Variants in PAX5 observed in about 807,000 individuals in gnomAD.
PAX5 encodes paired box 5, also known as paired box protein Pax-5.
PAX5 carries 9 observed loss-of-function variants against 43.7 expected under a neutral mutation model. The ratio of observed to expected loss-of-function variants is 0.21; its 90% CI spans 0.12 to 0.36. The LOEUF is 0.36. Ranked by LOEUF, PAX5 falls within the 10% of genes least tolerant of loss-of-function variation. PAX5 has a pLI of 1.00. For missense variants in PAX5, 383 were observed against 532.7 expected (o/e 0.72, Z 2.77); for synonymous variants, 228 against 214.3 (o/e 1.06, Z -0.56).
chr9:36,889,059 G>C (rs1273073711), intron 7 of PAX5, among the ~76,000 whole-genome samples: 2 of 152,190 alleles, frequency 1.3e-5, no homozygotes, highest in East Asian at 3.8e-4. Context: ...CTCTGTAACA[G>C]GATTAAAACA....
At chr9:37,009,796 AAT>A (rs10545230) in intron 3 of PAX5, among the ~76,000 whole-genome samples, 103,295 of 151,246 alleles carry the variant, frequency 0.68, 36,205 homozygotes, top group Middle Eastern at 0.85. Flanking sequence ...TGTACTCATA[AAT>A]ATATATATAT....
chr9:36,880,738 T>TTTTG lies in PAX5; in HGVS notation c.1012+1262_1012+1265dup, dbSNP rs570908308. ...CCACCACACCTGGCTAAGTTTTGTA[T>TTTTG]TTTGTTTGTTTGTTTGTTTAGTAGA... On this transcript the variant is annotated intron_variant, in intron 8 of 9. Transcript: ENST00000358127. Among the ~76,000 whole-genome samples, 9 of 152,292 alleles carry TTTTG rather than the reference T, an allele frequency of 5.9e-5. No homozygotes were observed. The East Asian group carries it at 7.7e-4, about 13-fold the overall frequency.
intron 5 of PAX5, among the ~76,000 whole-genome samples, chr9:36,976,654 G>T (rs934361207): frequency 7.9e-5 from 12 of 152,168 alleles, no homozygotes; most frequent in Non-Finnish European, 1.3e-4. Flanking sequence ...AATTTCCACT[G>T]AAACTACCAT....
Position 37,032,846 on chromosome 9 carries a change from T to C in PAX5, c.46+1140A>G, listed in dbSNP as rs145491928. Reference sequence around the variant, plus strand: ...ATAAACACATCCTGCTACCTACTTCTCAGGCCTGTGGGAGGCACATGGGGA... The same window carrying C: ...ATAAACACATCCTGCTACCTACTTCCCAGGCCTGTGGGAGGCACATGGGGA... On this transcript the variant is annotated intron_variant, in intron 1 of 9. Coordinates refer to ENST00000358127, the MANE Select transcript of PAX5 (RefSeq NM_016734.3). 1.6e-3 allele frequency among the ~76,000 whole-genome samples: 244 copies of C among 152,342 alleles called. 1 individual carries two copies. Among genetic ancestry groups the C allele is most frequent in the African/African-American group, 5.5e-3 (230 of 41,574 alleles).
At chr9:36,995,543 C>T (rs577687011) in intron 5 of PAX5, among the ~76,000 whole-genome samples, 66 of 152,222 alleles carry the variant, frequency 4.3e-4, no homozygotes, top group Admixed American at 9.2e-4. Context: ...GGATGGCGGA[C>T]GGCCCTGTGA....
rs750194822 is a variant in PAX5 at position 36,882,049 on chromosome 9, C to T, written c.967G>A (p.Gly323Arg). Residue 323 changes from glycine to arginine, a missense_variant, in exon 8 of 10, where the codon GGA becomes AGA. Around this residue, in one of 5 missense-constraint regions of PAX5, gnomAD observed 291 missense variants for 342.5 expected, o/e 0.85. Coordinates refer to ENST00000358127, the MANE Select transcript of PAX5 (RefSeq NM_016734.3). The surrounding 1 kb of genome is among the most constrained non-coding windows in gnomAD (Gnocchi z 4.4). The part of the protein sequence containing the change: ...PGYPPHVPPA[G>R]QGSYSAPTLT... ...GTCGGTGCTGAGTAGCTGCCCTGTC[C>T]AGCGGGGGGGACGTGTGGAGGGTAC... The T allele has an allele frequency of 1.9e-6, 3 of 1,612,610 alleles. No individual in the cohort carries two copies. In the South Asian group the frequency reaches 3.3e-5, roughly 18 times the overall value.
intron 8 of PAX5, among the ~76,000 whole-genome samples, chr9:36,875,177 C>G (rs1033838532): frequency 2.0e-5 from 3 of 152,214 alleles, no homozygotes; most frequent in African/African-American, 4.8e-5. Flanking sequence ...TGGGTCAGCC[C>G]CAGCCTCCTT....
chr9:36,975,738 GATA>G (rs1835371839), intron 5 of PAX5, among the ~76,000 whole-genome samples: 1 of 152,136 alleles, frequency 6.6e-6, no homozygotes, highest in Non-Finnish European at 1.5e-5. Flanking sequence ...TGTAGAGTGG[GATA>G]ATAATAGTAT....
At chr9:36,921,105 G>A (rs1444574574) in intron 7 of PAX5, among the ~76,000 whole-genome samples, 1 of 152,254 alleles carries the variant, frequency 6.6e-6, no homozygotes, top group East Asian at 1.9e-4. Context: ...GAGCCACTGC[G>A]CCCAGCCAGA....
rs757513489 is a variant in PAX5 at position 36,923,415 on chromosome 9, G to C, written c.850C>G (p.Pro284Ala). ...LDDMKANLAS[P>A]TPADIGSSVP... ...CTGCTCCCGATGTCAGCAGGGGTGG[G>C]GCTGGCCAGATTGGCCTTCATGTCG... Residue 284 changes from proline to alanine, a missense_variant, in exon 7 of 10, where the codon CCC becomes GCC. By Grantham distance (27) the Pro-to-Ala change is conservative (BLOSUM62 -1). Coordinates refer to ENST00000358127, the MANE Select transcript of PAX5 (RefSeq NM_016734.3). The C allele has an allele frequency of 2.2e-5, 35 of 1,613,104 alleles. No homozygotes were observed. Among genetic ancestry groups the C allele is most frequent in the South Asian group, 2.1e-4 (19 of 91,074 alleles).
chr9:36,980,573 A>T (rs1835826134), intron 5 of PAX5, among the ~76,000 whole-genome samples: 1 of 152,046 alleles, frequency 6.6e-6, no homozygotes, highest in African/African-American at 2.4e-5. Flanking sequence ...CCCTTGTCTG[A>T]TGATATCAAT....
intron 8 of PAX5, among the ~76,000 whole-genome samples, chr9:36,847,518 C>T (rs1391670717): frequency 6.6e-6 from 1 of 152,200 alleles, no homozygotes; most frequent in Non-Finnish European, 1.5e-5. Flanking sequence ...CCCAGGCCCT[C>T]TGCCTGGAGG....
At chr9:37,023,313 A>C (rs1840017500) in intron 1 of PAX5, among the ~76,000 whole-genome samples, 1 of 152,190 alleles carries the variant, frequency 6.6e-6, no homozygotes, top group African/African-American at 2.4e-5. Context: ...GGACTTCTCT[A>C]GACAGAGGAC....
intron 8 of PAX5, among the ~76,000 whole-genome samples, chr9:36,862,351 C>T (rs911411356): frequency 3.2e-4 from 48 of 152,270 alleles, no homozygotes; most frequent in East Asian, 1.9e-4. Context: ...TCAATTCTCC[C>T]GCCCGCAGCA....
At chr9:36,858,003 G>T (rs1823842355) in intron 8 of PAX5, among the ~76,000 whole-genome samples, 1 of 152,238 alleles carries the variant, frequency 6.6e-6, no homozygotes, top group Admixed American at 6.5e-5. Flanking sequence ...AAAGCCCCTG[G>T]GTGTGCAGCC....
intron 7 of PAX5, among the ~76,000 whole-genome samples, chr9:36,913,760 G>A (rs543653642): frequency 1.1e-3 from 167 of 152,292 alleles, no homozygotes; most frequent in Admixed American, 3.6e-3. Context: ...ATAGAGCAGC[G>A]CAGAAGCCAT....
At chr9:36,928,962 T>C (rs936227613) in intron 6 of PAX5, among the ~76,000 whole-genome samples, 5 of 152,166 alleles carry the variant, frequency 3.3e-5, no homozygotes, top group African/African-American at 1.2e-4. Flanking sequence ...ACAAGAACAC[T>C]GGAAACCACT....
intron 6 of PAX5, among the ~76,000 whole-genome samples, chr9:36,942,168 G>A (rs1337820118): frequency 2.6e-5 from 4 of 152,200 alleles, no homozygotes; most frequent in African/African-American, 7.2e-5. Flanking sequence ...GGCCTCCTAG[G>A]TCAGGCCTAT....
At chr9:36,964,045 C>T (rs936889246) in intron 6 of PAX5, among the ~76,000 whole-genome samples, 1 of 152,120 alleles carries the variant, frequency 6.6e-6, no homozygotes, top group Non-Finnish European at 1.5e-5. Flanking sequence ...CTTTGGGAGG[C>T]CGAGGCAGGC....
Sources: allele counts gnomAD v4.1 joint callset (sites outside exome capture counted in the v4.1 genomes callset), GRCh38; gene constraint gnomAD v4.1.1; regional missense constraint gnomAD v4.1.1; non-coding constraint Gnocchi (gnomAD v3.1); transcripts MANE v1.5; gene names NCBI Gene and HGNC (gene_info 2026-07-23, HGNC 2026-07-21).